The following PWP1 variants were observed in gnomAD, a reference collection of about 807,000 sequenced individuals.
The protein encoded by PWP1 is PWP1 homolog, endonuclein.
PWP1 carries 47 observed loss-of-function variants against 69.9 expected under a neutral mutation model. The ratio of observed to expected loss-of-function variants is 0.67; its 90% CI spans 0.53 to 0.86. PWP1 has a LOEUF of 0.86. Among genes scored for constraint, PWP1 ranks in the 40% least tolerant of loss-of-function variants. The probability of loss-of-function intolerance (pLI) is 0.00; values close to 1 mark genes in which losing one functional copy is unlikely to be tolerated. For missense variants in PWP1, 551 were observed against 608.8 expected, an observed-to-expected ratio of 0.91 and a Z score of 1.00; for synonymous variants, 222 against 208.2, an observed-to-expected ratio of 1.07 and a Z score of -0.57.
chr12:107,697,682 T>C, intron 7 of PWP1, 85 bp downstream of exon 7: 1 of 1,344,686 alleles, frequency 7.4e-7, no homozygotes, highest in South Asian at 1.2e-5. Context: ...CCGTACACTT[T>C]TTCAATCAGG....
chr12:107,691,683 C>G (rs1480648374), intron 3 of PWP1, among the ~76,000 whole-genome samples: 1 of 152,042 alleles, frequency 6.6e-6, no homozygotes, highest in East Asian at 1.9e-4. Context: ...CTTATTATCG[C>G]TGGTGTACCT....
intron 14 of PWP1, among the ~76,000 whole-genome samples, chr12:107,711,347 G>A (rs1415634792): frequency 6.6e-6 from 1 of 152,204 alleles, no homozygotes; most frequent in Non-Finnish European, 1.5e-5. Flanking sequence ...GGGCCATTAT[G>A]AACATGTTAC....
intron 1 of PWP1, among the ~76,000 whole-genome samples, chr12:107,686,303 C>T (rs1356989276): frequency 6.6e-6 from 1 of 152,192 alleles, no homozygotes; most frequent in East Asian, 1.9e-4. Context: ...TTTGACAACA[C>T]CACTAGCTTC....
At position 107,709,249 on chromosome 12, in the gene PWP1, G is replaced by A; in HGVS notation, c.1290+17G>A. 12 of 1,609,290 alleles carry A rather than the reference G, an allele frequency of 7.5e-6. No individual in the cohort carries two copies. Among genetic ancestry groups the A allele is most frequent in the Non-Finnish European group, 9.3e-6 (11 of 1,177,570 alleles). The stretch of plus-strand genomic sequence containing the variant: ...ATGAAAATGGTAAGAATCTCCCTGG[G>A]TATCTGTTTTTTATTTATTCTGTTT... On this transcript the variant is annotated intron_variant, in intron 13 of 14. Transcript: ENST00000412830.
chr12:107,703,840 T>C, intron 10 of PWP1, 94 bp downstream of exon 10: 1 of 1,146,684 alleles, frequency 8.7e-7, no homozygotes, highest in South Asian at 1.3e-5. Flanking sequence ...GAATGTATCC[T>C]TGAGGCCACC....
chr12:107,694,001 G>A (rs1566078006), intron 5 of PWP1, among the ~76,000 whole-genome samples: 1 of 152,142 alleles, frequency 6.6e-6, no homozygotes, highest in Non-Finnish European at 1.5e-5. Flanking sequence ...AGGAATATTT[G>A]TATCAAAGCC....
chr12:107,700,858 G>T (rs1889694776), intron 8 of PWP1, among the ~76,000 whole-genome samples: 1 of 152,092 alleles, frequency 6.6e-6, no homozygotes, highest in Admixed American at 6.6e-5. Flanking sequence ...CATCCTAATG[G>T]GTATGAAGTG....
Position 107,708,907 on chromosome 12 carries a change from CA to C in PWP1, c.1078-18del. 1.2e-6 allele frequency: 2 copies of C among 1,607,454 alleles called. No individual in the cohort carries two copies. Among genetic ancestry groups the C allele is most frequent in the Non-Finnish European group, 1.7e-6 (2 of 1,175,728 alleles). On this transcript the variant is annotated intron_variant, in intron 11 of 14. Coordinates refer to ENST00000412830, the MANE Select transcript of PWP1 (RefSeq NM_007062.3). The stretch of plus-strand genomic sequence containing the variant: ...TTTTGTGACGTAGCATGACCTTGCC[CA>C]TCTTTTACTCTTTCTAGGCCAGTAC...
chr12:107,699,882 G>A (rs975906256), intron 8 of PWP1, among the ~76,000 whole-genome samples: 22 of 152,112 alleles, frequency 1.4e-4, no homozygotes, highest in Admixed American at 7.2e-4. Flanking sequence ...AGACATACTC[G>A]AGGCTGGGTA....
rs1889508268 is a variant in PWP1, at chr12:107,692,878, T to C, written c.384T>C (p.Pro128=). ...LTVYGSNDQD[P]YVTLKDTEQY... ...TCTACGGGAGTAATGATCAAGATCC[T>C]TACGTTACTCTGAAAGATACAGTAA... The change falls in exon 4 of 15, where the codon CCT becomes CCC. Residue 128 remains proline, a synonymous_variant. Coordinates refer to ENST00000412830, the MANE Select transcript of PWP1 (RefSeq NM_007062.3). 6.2e-7 allele frequency: 1 copy of C among 1,613,984 alleles called. No homozygotes were observed. The highest frequency in any genetic ancestry group is 1.3e-5 in the African/African-American group (1 of 74,950).
chr12:107,690,947 A>C (rs937956024), intron 3 of PWP1, among the ~76,000 whole-genome samples: 31 of 152,210 alleles, frequency 2.0e-4, no homozygotes, highest in African/African-American at 7.0e-4. Flanking sequence ...AGAATAGGAC[A>C]TGAGACATGG....
intron 5 of PWP1, among the ~76,000 whole-genome samples, chr12:107,695,862 C>T (rs758327987): frequency 1.3e-5 from 2 of 152,030 alleles, no homozygotes; most frequent in Non-Finnish European, 2.9e-5. Flanking sequence ...ACATTATGAA[C>T]TTATGAACAT....
Position 107,685,841 on chromosome 12 carries a change from T to C in PWP1, c.-59T>C. The C allele has an allele frequency of 6.3e-7, 1 of 1,580,446 alleles. No individual in the cohort carries two copies. The highest frequency in any genetic ancestry group is 8.7e-7 in the Non-Finnish European group (1 of 1,150,632). Reference sequence around the variant, plus strand: ...CCCTGAGCGTGTGGCAGCAGTGCGGTCGTGGTCCCTCCCTATGCAGCCTGG... The same window carrying C: ...CCCTGAGCGTGTGGCAGCAGTGCGGCCGTGGTCCCTCCCTATGCAGCCTGG... On this transcript the variant is annotated 5_prime_UTR_variant, in exon 1 of 15. Coordinates refer to ENST00000412830, the MANE Select transcript of PWP1 (RefSeq NM_007062.3).
At chr12:107,702,367 G>A (rs533508802) in intron 8 of PWP1, among the ~76,000 whole-genome samples, 85 of 151,978 alleles carry the variant, frequency 5.6e-4, no homozygotes, top group African/African-American at 1.8e-3. Context: ...TGCAACCTCC[G>A]CTTTTTGGGT....
rs764420458 is a variant in PWP1, at chr12:107,697,581, AAAAG to A, written c.733_736del (p.Lys245GlufsTer22). On this transcript the variant is annotated frameshift_variant, in exon 7 of 15. Transcript: ENST00000412830. LOFTEE classifies it high-confidence loss of function. ...GGAAGTAAACTTTCAAAAAAGAAGA[AAAAG>A]AAAGGAAAGAAGGTAAAGAAGTTAA... The A allele has an allele frequency of 1.9e-6, 3 of 1,603,160 alleles. No individual in the cohort carries two copies. The highest frequency in any genetic ancestry group is 2.3e-5 in the South Asian group (2 of 88,792).
chr12:107,708,881 A>C (rs763210428), intron 11 of PWP1, 45 bp from the exon 12 acceptor site: 1 of 1,546,968 alleles, frequency 6.5e-7, no homozygotes, highest in South Asian at 1.1e-5. Context: ...CCATTGTTAG[A>C]TTTTGTGACG....
At chr12:107,690,012 G>T (rs1469393082) in intron 3 of PWP1, among the ~76,000 whole-genome samples, 1 of 152,152 alleles carries the variant, frequency 6.6e-6, no homozygotes, top group Non-Finnish European at 1.5e-5. Flanking sequence ...ACACTGAGCA[G>T]GTTAAGTAAG....
At chr12:107,703,572 T>A in intron 9 of PWP1, 113 bp from the exon 10 acceptor site, 1 of 901,204 alleles carries the variant, frequency 1.1e-6, no homozygotes. Context: ...TTTACTGTAT[T>A]TCAGAGGGAC....
At chr12:107,703,153 C>T in intron 9 of PWP1, 122 bp downstream of exon 9, 2 of 707,598 alleles carry the variant, frequency 2.8e-6, no homozygotes, top group Non-Finnish European at 4.8e-6. Context: ...GGCATGCTTT[C>T]ACATGTTATC....
Sources: allele counts gnomAD v4.1 joint callset (sites outside exome capture counted in the v4.1 genomes callset), GRCh38; gene constraint gnomAD v4.1.1; transcripts MANE v1.5; gene names NCBI Gene and HGNC (gene_info 2026-07-23, HGNC 2026-07-21).